AATF: variants seen among roughly 807,000 people sequenced by gnomAD.
AATF encodes the protein protein AATF.
AATF carries 48 observed loss-of-function variants against 63.7 expected under a neutral mutation model. The observed-to-expected ratio is 0.75, with a 90% CI of 0.60 to 0.96. The LOEUF (loss-of-function observed/expected upper bound fraction) is 0.96. AATF is among the 40% of genes least tolerant of loss of function. AATF has a pLI of 0.00. For missense variants in AATF, 639 were observed against 685.7 expected (o/e 0.93, Z 0.76); for synonymous variants, 258 against 247.7 (o/e 1.04, Z -0.39).
intron 8 of AATF, among the ~76,000 whole-genome samples, chr17:37,009,645 G>A (rs577132749): frequency 1.0e-4 from 15 of 147,794 alleles, no homozygotes; most frequent in African/African-American, 3.5e-4. Context: ...GTGAAACCCC[G>A]TCTCTACTAA....
intron 11 of AATF, chr17:37,033,658 AG>A (rs1247498552): frequency 1.3e-5 from 2 of 154,728 alleles, no homozygotes; most frequent in Admixed American, 6.5e-5. Flanking sequence ...CTGACTACAG[AG>A]GCATAAGGAA....
intron 11 of AATF, chr17:37,045,552 C>T (rs2071682584): frequency 6.6e-6 from 1 of 152,272 alleles, no homozygotes; most frequent in African/African-American, 2.4e-5. Flanking sequence ...CAAAGACGAG[C>T]AATTGTTCTT....
At position 36,950,198 on chromosome 17, in the gene AATF, C is replaced by T. The variant is rs1432483061; in HGVS notation, c.92-16C>T. ...TAACCTGGAGATTCTGTTTACTTTT[C>T]CCTCTCCCCCGACAGCCACTGCTGC... On this transcript the variant is annotated splice_polypyrimidine_tract_variant and intron_variant, in intron 1 of 11. Coordinates refer to ENST00000619387, the MANE Select transcript of AATF (RefSeq NM_012138.4). The T allele has an allele frequency of 1.2e-6, 2 of 1,608,396 alleles. No homozygotes were observed. Among genetic ancestry groups the T allele is most frequent in the South Asian group, 1.1e-5 (1 of 90,840 alleles).
chr17:36,997,666 A>C (rs770970065), intron 8 of AATF, among the ~76,000 whole-genome samples: 3 of 152,238 alleles, frequency 2.0e-5, no homozygotes, highest in Non-Finnish European at 4.4e-5. Context: ...AACAGTGTGG[A>C]GATTCCTTAA....
At chr17:36,990,680 AGTGCTTTGACT>A in intron 7 of AATF, 83 bp from the exon 8 acceptor site, 1 of 785,882 alleles carries the variant, frequency 1.3e-6, no homozygotes, top group Non-Finnish European at 2.0e-6. Context: ...TAAGGAAAAC[AGTGCTTTGACT>A]GTTCTACATA....
At chr17:37,023,520 CATTCTTTTTAAACA>C (rs1485429848) in intron 10 of AATF, among the ~76,000 whole-genome samples, 4 of 147,712 alleles carry the variant, frequency 2.7e-5, no homozygotes, top group African/African-American at 7.5e-5. Flanking sequence ...TAAAAAGAGG[CATTCTTTTTAAACA>C]GAGTTTAAAA....
intron 4 of AATF, among the ~76,000 whole-genome samples, chr17:36,959,336 A>G (rs1430612883): frequency 6.6e-6 from 1 of 152,094 alleles, no homozygotes; most frequent in Non-Finnish European, 1.5e-5. Context: ...CCATCTACTC[A>G]GGAGGCTGAG....
At chr17:37,022,944 A>G (rs1031259962) in intron 10 of AATF, among the ~76,000 whole-genome samples, 5 of 152,172 alleles carry the variant, frequency 3.3e-5, no homozygotes, top group Admixed American at 6.5e-5. Context: ...GCCCCCTTCA[A>G]GGATTTAAAG....
intron 8 of AATF, among the ~76,000 whole-genome samples, chr17:36,991,127 C>G (rs567174237): frequency 6.6e-6 from 1 of 152,156 alleles, no homozygotes; most frequent in South Asian, 2.1e-4. Context: ...GTTTTTTTCT[C>G]TGAGTCAAGT....
At chr17:36,949,560 T>C (rs1174633824) in intron 1 of AATF, among the ~76,000 whole-genome samples, 2 of 152,252 alleles carry the variant, frequency 1.3e-5, no homozygotes, top group Non-Finnish European at 2.9e-5. Flanking sequence ...CTTTCTGGTA[T>C]TGCGTTAGAA....
At chr17:37,051,565 G>A (rs2071749686) in intron 11 of AATF, among the ~76,000 whole-genome samples, 1 of 152,058 alleles carries the variant, frequency 6.6e-6, no homozygotes, top group Admixed American at 6.6e-5. Context: ...ATTTCACTCA[G>A]AGCTTTTAAA....
At chr17:36,964,305 T>TG (rs111581096) in intron 4 of AATF, among the ~76,000 whole-genome samples, 4,644 of 148,890 alleles carry the variant, frequency 0.031, 242 homozygotes, top group African/African-American at 0.11. Flanking sequence ...AGTGGGTGAG[T>TG]GGGGATGGAG....
intron 8 of AATF, among the ~76,000 whole-genome samples, chr17:37,011,498 G>T (rs891732929): frequency 6.6e-6 from 1 of 152,218 alleles, no homozygotes; most frequent in Non-Finnish European, 1.5e-5. Flanking sequence ...GAGATATTGG[G>T]TGTAAGGGAA....
chr17:37,003,788 G>A (rs2071320587), intron 8 of AATF, among the ~76,000 whole-genome samples: 1 of 151,892 alleles, frequency 6.6e-6, no homozygotes, highest in East Asian at 2.0e-4. Flanking sequence ...TTTTAGTAGA[G>A]TGGTGGAGGG....
intron 8 of AATF, among the ~76,000 whole-genome samples, chr17:37,015,806 G>A (rs1567984869): frequency 1.3e-5 from 2 of 152,176 alleles, no homozygotes; most frequent in Non-Finnish European, 2.9e-5. Context: ...GTGGGAGAAA[G>A]GGAGAGGTTT....
At chr17:36,963,459 G>A (rs978259842) in intron 4 of AATF, among the ~76,000 whole-genome samples, 1 of 152,188 alleles carries the variant, frequency 6.6e-6, no homozygotes, top group Non-Finnish European at 1.5e-5. Context: ...CACACATTAT[G>A]TACAATATAA....
At chr17:36,970,534 CTTT>C (rs796201918) in intron 4 of AATF, among the ~76,000 whole-genome samples, 35 of 125,662 alleles carry the variant, frequency 2.8e-4, no homozygotes, top group African/African-American at 1.5e-3. Flanking sequence ...TTCTTTCTTT[CTTT>C]TTTCTTTTTT....
chr17:36,968,079 C>G (rs2071005962), intron 4 of AATF, among the ~76,000 whole-genome samples: 1 of 151,630 alleles, frequency 6.6e-6, no homozygotes, highest in Non-Finnish European at 1.5e-5. Context: ...TCCTTTCTCT[C>G]TGTCCTCTCT....
intron 7 of AATF, 82 bp from the exon 8 acceptor site, chr17:36,990,692 G>C: frequency 1.2e-6 from 1 of 868,090 alleles, no homozygotes. Flanking sequence ...TGCTTTGACT[G>C]TTCTACATAT....
Sources: allele counts gnomAD v4.1 joint callset (sites outside exome capture counted in the v4.1 genomes callset), GRCh38; gene constraint gnomAD v4.1.1; transcripts MANE v1.5; gene names NCBI Gene and HGNC (gene_info 2026-07-23, HGNC 2026-07-21).